The following HDAC1 variants were observed in gnomAD, a reference collection of about 807,000 sequenced individuals.
The protein encoded by HDAC1 is histone deacetylase 1.
HDAC1 carries 18 observed loss-of-function variants against 65.5 expected under a neutral mutation model. The observed-to-expected ratio is 0.27, with a 90% CI of 0.19 to 0.41. HDAC1 has a LOEUF of 0.41. Ranked by LOEUF, HDAC1 falls within the 10% of genes least tolerant of loss-of-function variation. HDAC1 has a pLI of 1.00. For synonymous variants in HDAC1, 211 were observed against 227.9 expected, an observed-to-expected ratio of 0.93 and a Z score of 0.67; for missense variants, 373 against 625.2, an observed-to-expected ratio of 0.60 and a Z score of 4.30.
At chr1:32,310,164 T>A (rs1640971336) in intron 2 of HDAC1, among the ~76,000 whole-genome samples, 1 of 152,204 alleles carries the variant, frequency 6.6e-6, no homozygotes, top group African/African-American at 2.4e-5. Flanking sequence ...TAAATAAAGA[T>A]TGTCCTCTGC....
chr1:32,327,778 C>A lies in HDAC1; in HGVS notation c.636+101C>A. On this transcript the variant is annotated intron_variant, in intron 6 of 13. Coordinates refer to ENST00000373548, the MANE Select transcript of HDAC1 (RefSeq NM_004964.3). The surrounding 1 kb of genome is among the most constrained non-coding windows in gnomAD (Gnocchi z 6.0). The stretch of plus-strand genomic sequence containing the variant: ...TAAAAATTGCTTCTTGCCTCTTCTG[C>A]CAATCAGAATACCACATCCCAATCT... 1 of 981,592 alleles carries A rather than the reference C, an allele frequency of 1.0e-6. No homozygotes were observed. Among genetic ancestry groups the A allele is most frequent in the Non-Finnish European group, 1.6e-6 (1 of 621,570 alleles). The allele number at this position is 981,592 out of a possible 1,614,324, so 60.8% of individuals were successfully genotyped here.
chr1:32,330,537 G>A lies in HDAC1; in HGVS notation c.730-41G>A. 7.2e-7 allele frequency: 1 copy of A among 1,397,726 alleles called. No homozygotes were observed. The highest frequency in any genetic ancestry group is 1.0e-6 in the Non-Finnish European group (1 of 983,126). 86.6% of individuals were successfully genotyped at this position (1,397,726 alleles called of 1,614,324 possible). ...GCCTTTCCACTCCAAACCTCGTATT[G>A]CTTTCTTGAGGTTGGTGGTGACCAG... On this transcript the variant is annotated intron_variant, in intron 7 of 13. Coordinates refer to ENST00000373548, the MANE Select transcript of HDAC1 (RefSeq NM_004964.3). The surrounding 1 kb of genome is among the most constrained non-coding windows in gnomAD (Gnocchi z 4.2).
At chr1:32,308,712 G>T (rs1270302786) in intron 2 of HDAC1, among the ~76,000 whole-genome samples, 1 of 152,084 alleles carries the variant, frequency 6.6e-6, no homozygotes, top group African/African-American at 2.4e-5. Context: ...TAGAGACGGG[G>T]TTTCCCCGTG....
Position 32,330,265 on chromosome 1 carries a change from C to T in HDAC1, c.730-313C>T. The T allele has an allele frequency of 2.9e-6, 1 of 347,050 alleles. No homozygotes were observed. The highest frequency in any genetic ancestry group is 3.0e-5 in the South Asian group (1 of 33,004). The allele number at this position is 347,050 out of a possible 1,614,324, so 21.5% of individuals were successfully genotyped here. On this transcript the variant is annotated intron_variant, in intron 7 of 13. Coordinates refer to ENST00000373548, the MANE Select transcript of HDAC1 (RefSeq NM_004964.3). This position sits in a 1 kb window ranked among gnomAD's most constrained non-coding sequence, Gnocchi z 4.2. Reference sequence around the variant, plus strand: ...GAGTAGAGTAGATGCAGCTAAAGGTCAGGAAGGCTTCCTGGAGGAAGTGGC... The same window carrying T: ...GAGTAGAGTAGATGCAGCTAAAGGTTAGGAAGGCTTCCTGGAGGAAGTGGC...
Position 32,292,122 on chromosome 1 carries a change from C to T in HDAC1, c.-48C>T, listed in dbSNP as rs1386539095. The stretch of plus-strand genomic sequence containing the variant: ...GTCGGACGCTGAGCGGAGCCGCGGG[C>T]GGGAGGGCGGACGGACCGACTGACG... On this transcript the variant is annotated 5_prime_UTR_variant, in exon 1 of 14. Transcript: ENST00000373548. 3.9e-6 allele frequency: 6 copies of T among 1,534,298 alleles called. No individual in the cohort carries two copies. The Admixed American group carries it at 5.9e-5, about 15-fold the overall frequency.
chr1:32,314,623 G>A (rs1226030213), intron 2 of HDAC1, among the ~76,000 whole-genome samples: 2 of 151,882 alleles, frequency 1.3e-5, no homozygotes, highest in East Asian at 1.9e-4. Context: ...TCAGGAGATC[G>A]AGACCATCCT....
Position 32,330,499 on chromosome 1 carries a change from A to G in HDAC1, c.730-79A>G. On this transcript the variant is annotated intron_variant, in intron 7 of 13. Coordinates refer to ENST00000373548, the MANE Select transcript of HDAC1 (RefSeq NM_004964.3). The surrounding 1 kb of genome is among the most constrained non-coding windows in gnomAD (Gnocchi z 4.2). ...GTGGAAAGGTAGGAGTGGGTGGGAA[A>G]GTGTTGCACCCAGCCTTTCCACTCC... The G allele has an allele frequency of 1.1e-6, 1 of 925,576 alleles. No homozygotes were observed. 57.3% of individuals were successfully genotyped at this position (925,576 alleles called of 1,614,324 possible). A position where few individuals can be genotyped will look rare whatever the true frequency, so the allele number is the denominator to read the frequency against.
intron 2 of HDAC1, among the ~76,000 whole-genome samples, chr1:32,310,706 C>T (rs1459235097): frequency 6.6e-6 from 1 of 151,704 alleles, no homozygotes; most frequent in Non-Finnish European, 1.5e-5. Context: ...AAAAATTAGC[C>T]GGGAGTGGTG....
chr1:32,330,274 T>C lies in HDAC1; in HGVS notation c.730-304T>C, dbSNP rs1641273672. On this transcript the variant is annotated intron_variant, in intron 7 of 13. Transcript: ENST00000373548. The surrounding 1 kb of genome is among the most constrained non-coding windows in gnomAD (Gnocchi z 4.2). ...AGATGCAGCTAAAGGTCAGGAAGGC[T>C]TCCTGGAGGAAGTGGCACTAGAGCT... is the stretch of plus-strand genomic sequence containing the variant. The C allele has an allele frequency of 2.8e-6, 1 of 361,796 alleles. No homozygotes were observed. Among genetic ancestry groups the C allele is most frequent in the African/African-American group, 2.1e-5 (1 of 48,336 alleles). The allele number at this position is 361,796 out of a possible 1,614,324, so 22.4% of individuals were successfully genotyped here. A position where few individuals can be genotyped will look rare whatever the true frequency, so the allele number is the denominator to read the frequency against.
In HDAC1 at chr1:32,331,411, C is replaced by A; in HGVS notation, c.980-63C>A. 1 of 917,144 alleles carries A rather than the reference C, an allele frequency of 1.1e-6. No individual in the cohort carries two copies. The highest frequency in any genetic ancestry group is 1.8e-6 in the Non-Finnish European group (1 of 549,454). The allele number at this position is 917,144 out of a possible 1,614,324, so 56.8% of individuals were successfully genotyped here. ...ACCTACAAATGCTTTAGGGTGCTTA[C>A]GTGCAAATGGTTAGGGTGCGGTGGC... On this transcript the variant is annotated intron_variant, in intron 9 of 13. Transcript: ENST00000373548. This position sits in a 1 kb window ranked among gnomAD's most constrained non-coding sequence, Gnocchi z 4.2.
intron 1 of HDAC1, among the ~76,000 whole-genome samples, chr1:32,297,812 T>TG (rs1314729654): frequency 4.1e-5 from 4 of 96,706 alleles, no homozygotes; most frequent in Non-Finnish European, 6.1e-5. Flanking sequence ...TTTTTTGAGA[T>TG]GGAGTCTTGC....
In HDAC1 at chr1:32,327,245, T is replaced by C. The variant is rs766459803; in HGVS notation, c.494+168T>C. 8 of 672,894 alleles carry C rather than the reference T, an allele frequency of 1.2e-5. No homozygotes were observed. Among genetic ancestry groups the C allele is most frequent in the African/African-American group, 1.8e-5 (1 of 55,476 alleles). 41.7% of individuals were successfully genotyped at this position (672,894 alleles called of 1,614,324 possible). On this transcript the variant is annotated intron_variant, in intron 5 of 13. Coordinates refer to ENST00000373548, the MANE Select transcript of HDAC1 (RefSeq NM_004964.3). The surrounding 1 kb of genome is among the most constrained non-coding windows in gnomAD (Gnocchi z 6.0). ...TCTCCTTGATGGGGTCTTGGTTTGATCTGAGCCACGGCATGATCAGGGGCA... is the reference window on the plus strand; with the variant it reads ...TCTCCTTGATGGGGTCTTGGTTTGACCTGAGCCACGGCATGATCAGGGGCA...
intron 2 of HDAC1, among the ~76,000 whole-genome samples, chr1:32,306,091 T>TA (rs1180349789): frequency 6.6e-6 from 1 of 152,202 alleles, no homozygotes; most frequent in African/African-American, 2.4e-5. Context: ...AGCTTTATAT[T>TA]ATAGTAAGTC....
intron 3 of HDAC1, among the ~76,000 whole-genome samples, chr1:32,319,002 C>T (rs573221721): frequency 6.6e-6 from 1 of 152,256 alleles, no homozygotes; most frequent in African/African-American, 2.4e-5. Flanking sequence ...GCCTGTAATT[C>T]CAGCTACTCA....
intron 2 of HDAC1, among the ~76,000 whole-genome samples, chr1:32,313,696 C>T (rs1173792142): frequency 2.0e-5 from 3 of 152,206 alleles, no homozygotes; most frequent in African/African-American, 7.2e-5. Context: ...TGATTCCTGG[C>T]ATGGCCACTA....
At chr1:32,316,862 C>G in intron 3 of HDAC1, 80 bp downstream of exon 3, 3 of 855,286 alleles carry the variant, frequency 3.5e-6, no homozygotes, top group Non-Finnish European at 4.0e-6. Context: ...TTCTGCCGTC[C>G]TCGCACCTCC....
intron 2 of HDAC1, 23 bp downstream of exon 2, chr1:32,302,756 G>A (rs200915077): frequency 8.7e-4 from 926 of 1,063,646 alleles, no homozygotes; most frequent in Non-Finnish European, 1.2e-3. Flanking sequence ...AGGTGCTACC[G>A]CTCCCTAACC....
intron 3 of HDAC1, 129 bp from the exon 4 acceptor site, chr1:32,324,350 G>T (rs1641188033): frequency 2.9e-6 from 2 of 686,208 alleles, no homozygotes; most frequent in African/African-American, 1.8e-5. Flanking sequence ...CAGTCATACA[G>T]CCAGGAAGTA....
At position 32,327,599 on chromosome 1, in the gene HDAC1, C is replaced by T; in HGVS notation, c.558C>T (p.Ala186=). Reference sequence around the variant, plus strand: ...ACCATGGTGACGGCGTGGAAGAGGCCTTCTACACCACGGACCGGGTCATGA... The same window carrying T: ...ACCATGGTGACGGCGTGGAAGAGGCTTTCTACACCACGGACCGGGTCATGA... The part of the protein sequence containing the change: ...DIHHGDGVEE[A]FYTTDRVMTV... The change falls in exon 6 of 14, where the codon GCC becomes GCT. Residue 186 remains alanine (A), a synonymous_variant. Transcript: ENST00000373548. This position sits in a 1 kb window ranked among gnomAD's most constrained non-coding sequence, Gnocchi z 6.0. The T allele has an allele frequency of 6.2e-7, 1 of 1,612,944 alleles. No individual in the cohort carries two copies. The highest frequency in any genetic ancestry group is 1.1e-5 in the South Asian group (1 of 91,068).
Sources: gnomAD v4.1 joint callset for allele counts (sites outside exome capture counted in the v4.1 genomes callset) on GRCh38, gnomAD v4.1.1 for gene constraint, Gnocchi (gnomAD v3.1) non-coding constraint, MANE v1.5 for transcripts, NCBI Gene and HGNC (gene_info 2026-07-23, HGNC 2026-07-21) for gene names.